The following SLC22A3 variants were observed in gnomAD, a reference collection of about 807,000 sequenced individuals.
The protein encoded by SLC22A3 is solute carrier family 22 member 3.
SLC22A3 carries 51 observed loss-of-function variants against 59.1 expected under a neutral mutation model. The observed-to-expected ratio is 0.86, with a 90% CI of 0.69 to 1.09. SLC22A3 has a LOEUF of 1.09. Ranked by LOEUF, SLC22A3 falls within the 50% of genes least tolerant of loss-of-function variation. The probability of loss-of-function intolerance (pLI) is 0.00; values close to 1 mark genes in which losing one functional copy is unlikely to be tolerated. For synonymous variants in SLC22A3, 325 were observed against 292.0 expected, an observed-to-expected ratio of 1.11 and a Z score of -1.15; for missense variants, 711 against 726.3, an observed-to-expected ratio of 0.98 and a Z score of 0.24.
At chr6:160,425,410 T>A (rs1787913329) in intron 5 of SLC22A3, among the ~76,000 whole-genome samples, 1 of 152,200 alleles carries the variant, frequency 6.6e-6, no homozygotes, top group African/African-American at 2.4e-5. Flanking sequence ...ATTCAAGGCA[T>A]CTATTTTTAA....
chr6:160,386,853 A>C (rs993308100), intron 1 of SLC22A3, among the ~76,000 whole-genome samples: 3 of 152,200 alleles, frequency 2.0e-5, no homozygotes, highest in African/African-American at 4.8e-5. Context: ...AGAGTAATGC[A>C]TCTGGAATGG....
At chr6:160,440,851 C>T (rs1391000933) in intron 7 of SLC22A3, among the ~76,000 whole-genome samples, 2 of 152,034 alleles carry the variant, frequency 1.3e-5, no homozygotes, top group Non-Finnish European at 2.9e-5. Context: ...GTCAATGTTC[C>T]GGACAGACCA....
In SLC22A3 at chr6:160,407,100, T is replaced by A; in HGVS notation, c.593T>A (p.Val198Glu). 3.1e-6 allele frequency: 5 copies of A among 1,612,664 alleles called. No individual in the cohort carries two copies. The highest frequency in any genetic ancestry group is 4.2e-6 in the Non-Finnish European group (5 of 1,179,266). The change falls in exon 3 of 11, where the codon GTG becomes GAG. Residue 198 changes from valine to glutamate, a missense_variant. Val to Glu is a moderately radical substitution (Grantham distance 121, BLOSUM62 -2). Coordinates refer to ENST00000275300, the MANE Select transcript of SLC22A3 (RefSeq NM_021977.4). ...SCLGVGVTGV[V>E]VAFAPNFPVF... ...CTTGGTGTTGGCGTCACTGGGGTTG[T>A]GGTGGCCTTTGCACCAAACTTCCCT...
intron 5 of SLC22A3, among the ~76,000 whole-genome samples, chr6:160,428,638 T>C (rs546548320): frequency 2.2e-4 from 33 of 152,370 alleles, no homozygotes; most frequent in Non-Finnish European, 2.6e-4. Context: ...TTTCTCTTTA[T>C]GTTTTTTAAT....
At position 160,426,216 on chromosome 6, in the gene SLC22A3, G is replaced by A. The variant is rs891349780; in HGVS notation, c.976-10564G>A. On this transcript the variant is annotated intron_variant, in intron 5 of 10. Coordinates refer to ENST00000275300, the MANE Select transcript of SLC22A3 (RefSeq NM_021977.4). ...TCAGCATTTTCAAACTAAACCAAAG[G>A]CTTTCTGAGTTACATAAGGAAGGCA... 2.6e-5 allele frequency: 26 copies of A among 985,198 alleles called. No homozygotes were observed. In the Admixed American group the frequency reaches 4.3e-4, roughly 16 times the overall value. The allele number at this position is 985,198 out of a possible 1,614,324, so 61.0% of individuals were successfully genotyped here.
intron 5 of SLC22A3, among the ~76,000 whole-genome samples, chr6:160,429,803 A>C (rs1459400497): frequency 6.6e-6 from 1 of 152,056 alleles, no homozygotes; most frequent in East Asian, 1.9e-4. Context: ...CATTAAATAC[A>C]TCTGGTATAC....
At chr6:160,367,002 C>G (rs1397777646) in intron 1 of SLC22A3, among the ~76,000 whole-genome samples, 1 of 152,170 alleles carries the variant, frequency 6.6e-6, no homozygotes, top group Non-Finnish European at 1.5e-5. Context: ...TGCTTGTTAC[C>G]TAGTTCCAAA....
At chr6:160,426,461 C>G in intron 5 of SLC22A3, 1 of 608,406 alleles carries the variant, frequency 1.6e-6, no homozygotes. Context: ...TCCTCTATTC[C>G]CACTCTTCCC....
chr6:160,372,257 G>T (rs6923921), intron 1 of SLC22A3, among the ~76,000 whole-genome samples: 2 of 151,804 alleles, frequency 1.3e-5, no homozygotes, highest in Non-Finnish European at 2.9e-5. Flanking sequence ...GATCTTTGTT[G>T]GTTTAAAGTC....
rs777741642 is a variant in SLC22A3, at chr6:160,451,095, G to A, written c.*39G>A. ...GACAGAAAGAAGGAGCTATCCAGGA[G>A]CTGATCCTCCTTGCAAAGCTGTGCC... On this transcript the variant is annotated 3_prime_UTR_variant, in exon 11 of 11. Coordinates refer to ENST00000275300, the MANE Select transcript of SLC22A3 (RefSeq NM_021977.4). 35 of 1,561,336 alleles carry A rather than the reference G, an allele frequency of 2.2e-5. No homozygotes were observed. The highest frequency in any genetic ancestry group is 5.2e-5 in the Admixed American group (3 of 57,172).
chr6:160,419,500 T>G (rs1201141866), intron 5 of SLC22A3, among the ~76,000 whole-genome samples: 3 of 152,202 alleles, frequency 2.0e-5, no homozygotes, highest in Non-Finnish European at 4.4e-5. Context: ...CTTCGGGGAA[T>G]TCATTTCAAA....
intron 5 of SLC22A3, among the ~76,000 whole-genome samples, chr6:160,433,742 AC>A (rs1160455136): frequency 1.3e-5 from 2 of 152,096 alleles, no homozygotes; most frequent in African/African-American, 4.8e-5. Flanking sequence ...AAAAAGTCAA[AC>A]TATCTACCTG....
intron 5 of SLC22A3, among the ~76,000 whole-genome samples, chr6:160,414,709 A>T (rs1015819986): frequency 1.4e-4 from 22 of 152,276 alleles, no homozygotes; most frequent in African/African-American, 5.1e-4. Flanking sequence ...TTATAAAACC[A>T]TCAGATCTCA....
chr6:160,371,845 C>G (rs1204254779), intron 1 of SLC22A3, among the ~76,000 whole-genome samples: 1 of 152,156 alleles, frequency 6.6e-6, no homozygotes, highest in East Asian at 1.9e-4. Context: ...TCTGTTGTTT[C>G]CTGCCTTTTT....
At chr6:160,386,301 G>A (rs1231679351) in intron 1 of SLC22A3, among the ~76,000 whole-genome samples, 2 of 152,322 alleles carry the variant, frequency 1.3e-5, no homozygotes, top group Non-Finnish European at 2.9e-5. Context: ...ATGGTTAGGT[G>A]AAGGAAGGGG....
At chr6:160,367,091 T>TA (rs1785231116) in intron 1 of SLC22A3, among the ~76,000 whole-genome samples, 1 of 152,196 alleles carries the variant, frequency 6.6e-6, no homozygotes, top group South Asian at 2.1e-4. Flanking sequence ...AGTCCATTCT[T>TA]ATGCTGCTAA....
At chr6:160,430,112 T>C (rs1788097595) in intron 5 of SLC22A3, among the ~76,000 whole-genome samples, 1 of 152,072 alleles carries the variant, frequency 6.6e-6, no homozygotes, top group African/African-American at 2.4e-5. Flanking sequence ...TGTATCTGTG[T>C]ATATGTACAC....
Position 160,408,827 on chromosome 6 carries a change from A to C in SLC22A3, c.763A>C (p.Ile255Leu), listed in dbSNP as rs1460149335. 2 of 1,613,832 alleles carry C rather than the reference A, an allele frequency of 1.2e-6. No homozygotes were observed. The highest frequency in any genetic ancestry group is 3.3e-5 in the Admixed American group (2 of 59,952). Residue 255 changes from isoleucine (I) to leucine (L), a missense_variant, in exon 4 of 11, where the codon ATA becomes CTA. Ile to Leu is a conservative substitution (Grantham distance 5). Transcript: ENST00000275300. The part of the protein sequence containing the change: ...VIQMFFTLGI[I>L]ILPGIAYFIP... Reference sequence around the variant, plus strand: ...TCAAATGTTCTTTACCCTTGGAATCATAATTCTCCCTGGAATTGCCTACTT... The same window carrying C: ...TCAAATGTTCTTTACCCTTGGAATCCTAATTCTCCCTGGAATTGCCTACTT...
chr6:160,385,350 T>C (rs1785961051), intron 1 of SLC22A3, among the ~76,000 whole-genome samples: 1 of 152,224 alleles, frequency 6.6e-6, no homozygotes, highest in African/African-American at 2.4e-5. Flanking sequence ...GGAGACACAG[T>C]GCCTTGTTCA....
Sources: allele counts gnomAD v4.1 joint callset (sites outside exome capture counted in the v4.1 genomes callset), GRCh38; gene constraint gnomAD v4.1.1; transcripts MANE v1.5; gene names NCBI Gene and HGNC (gene_info 2026-07-23, HGNC 2026-07-21).